The following AKAP8 variants were observed in gnomAD, a reference collection of about 807,000 sequenced individuals.
The protein encoded by AKAP8 is A-kinase anchoring protein 8.
AKAP8 carries 24 observed loss-of-function variants against 67.5 expected under a neutral mutation model. That is an observed-to-expected ratio of 0.36 (90% CI 0.26 to 0.50). The LOEUF is 0.50. Ranked by LOEUF, AKAP8 falls within the 20% of genes least tolerant of loss-of-function variation. The pLI, the probability that AKAP8 is intolerant of heterozygous loss-of-function variation, is 0.97. For missense variants in AKAP8, 971 were observed against 955.9 expected (o/e 1.02, Z -0.21); for synonymous variants, 400 against 371.1 (o/e 1.08, Z -0.90).
chr19:15,361,560 G>T, intron 11 of AKAP8, 169 bp downstream of exon 11: 1 of 571,558 alleles, frequency 1.7e-6, no homozygotes, highest in East Asian at 3.2e-5. Flanking sequence ...CACCGTGTCA[G>T]ACAGGATGGC....
Position 15,355,332 on chromosome 19 carries a change from T to C in AKAP8, c.1662A>G (p.Glu554=), listed in dbSNP as rs1469641696. 3 of 1,613,754 alleles carry C rather than the reference T, an allele frequency of 1.9e-6. No homozygotes were observed. The highest frequency in any genetic ancestry group is 1.7e-6 in the Non-Finnish European group (2 of 1,180,000). ...CTCCTAAATTGTCATCTCCTTCCAT[T>C]TCTGGATCAACAGTTTCACTGGTGA... ...DPFTSETVDP[E]MEGDDNLGGE... The change falls in exon 14 of 14, where the codon GAA becomes GAG. Residue 554 remains glutamate (E), a synonymous_variant. Transcript: ENST00000269701.
At chr19:15,363,500 C>G (rs1187597189) in intron 9 of AKAP8, among the ~76,000 whole-genome samples, 17 of 142,468 alleles carry the variant, frequency 1.2e-4, no homozygotes, top group Non-Finnish European at 2.5e-4. Flanking sequence ...GTCAGCCCCC[C>G]GCCCGGCCAG....
At chr19:15,364,158 C>CTT (rs34132091) in intron 9 of AKAP8, among the ~76,000 whole-genome samples, 75 of 42,556 alleles carry the variant, frequency 1.8e-3, no homozygotes, top group African/African-American at 6.5e-3. Flanking sequence ...TTTTTCTTTC[C>CTT]TTTTTTTTTT....
At chr19:15,374,204 C>A in intron 3 of AKAP8, 139 bp from the exon 4 acceptor site, 1 of 1,057,010 alleles carries the variant, frequency 9.5e-7, no homozygotes, top group African/African-American at 1.6e-5. Context: ...TCACTTCACA[C>A]TGCACTGTGA....
chr19:15,363,226 TG>T (rs1252279191), intron 9 of AKAP8, among the ~76,000 whole-genome samples: 1 of 144,476 alleles, frequency 6.9e-6, no homozygotes, highest in East Asian at 2.1e-4. Flanking sequence ...GGGAGGGAGG[TG>T]GGGGGATCAG....
At position 15,372,866 on chromosome 19, in the gene AKAP8, C is replaced by G; in HGVS notation, c.846G>C (p.Met282Ile). The G allele has an allele frequency of 6.7e-7, 1 of 1,500,992 alleles. No homozygotes were observed. Among genetic ancestry groups the G allele is most frequent in the Non-Finnish European group, 8.9e-7 (1 of 1,125,674 alleles). The allele number at this position is 1,500,992 out of a possible 1,614,324, so 93.0% of individuals were successfully genotyped here. A position where few individuals can be genotyped will look rare whatever the true frequency, so the allele number is the denominator to read the frequency against. The part of the protein sequence containing the change: ...PYGCGRSQPR[M>I]RDRDRPKRRG... ...GAGGGCTTACCCGATCCCGATCCCG[C>G]ATCCGAGGCTGCGAGCGGCCACATC... Residue 282 changes from methionine to isoleucine, a missense_variant, in exon 5 of 14, where the codon ATG (methionine) becomes ATC (isoleucine). Met to Ile is a conservative substitution (Grantham distance 10). Coordinates refer to ENST00000269701, the MANE Select transcript of AKAP8 (RefSeq NM_005858.4).
In AKAP8 at chr19:15,353,866, T is replaced by C. The variant is rs1438440720; in HGVS notation, c.*1049A>G. The C allele has an allele frequency of 1.3e-5, 2 of 152,116 alleles. No individual in the cohort carries two copies. Among genetic ancestry groups the C allele is most frequent in the Non-Finnish European group, 2.9e-5 (2 of 68,038 alleles). The allele number at this position is 152,116 out of a possible 1,614,324, so 9.4% of individuals were successfully genotyped here. On this transcript the variant is annotated 3_prime_UTR_variant, in exon 14 of 14. Coordinates refer to ENST00000269701, the MANE Select transcript of AKAP8 (RefSeq NM_005858.4). ...CCTTGAACACATGCTAGCCTCCCTTTCTCAGATTTGGAAAGATCTAAAGTA... is the reference window on the plus strand; with the variant it reads ...CCTTGAACACATGCTAGCCTCCCTTCCTCAGATTTGGAAAGATCTAAAGTA...
rs955101627 is a variant in AKAP8 at position 15,353,678 on chromosome 19, A to G, written c.*1237T>C. Reference sequence around the variant, plus strand: ...CTGGTATACAGTAGAGGCTCGGCAAATATTCTACAGCCTCCTTTCTAATGA... The same window carrying G: ...CTGGTATACAGTAGAGGCTCGGCAAGTATTCTACAGCCTCCTTTCTAATGA... On this transcript the variant is annotated 3_prime_UTR_variant, in exon 14 of 14. Transcript: ENST00000269701. 1 of 152,082 alleles carries G rather than the reference A, an allele frequency of 6.6e-6. No homozygotes were observed. Among genetic ancestry groups the G allele is most frequent in the African/African-American group, 2.4e-5 (1 of 41,404 alleles). The allele number at this position is 152,082 out of a possible 1,614,324, so 9.4% of individuals were successfully genotyped here. A position where few individuals can be genotyped will look rare whatever the true frequency, so the allele number is the denominator to read the frequency against.
At chr19:15,364,237 C>G (rs1236695739) in intron 9 of AKAP8, among the ~76,000 whole-genome samples, 1 of 148,946 alleles carries the variant, frequency 6.7e-6, no homozygotes, top group Non-Finnish European at 1.5e-5. Context: ...TCTCAGCTAA[C>G]CGCAACCTCT....
rs546862566 is a variant in AKAP8, at chr19:15,360,657, C to T, written c.1527+191G>A. Among the ~76,000 whole-genome samples, 7 of 152,286 alleles carry T rather than the reference C, an allele frequency of 4.6e-5. No homozygotes were observed. In the East Asian group the frequency reaches 7.7e-4, roughly 17 times the overall value. On this transcript the variant is annotated intron_variant, in intron 12 of 13. Coordinates refer to ENST00000269701, the MANE Select transcript of AKAP8 (RefSeq NM_005858.4). The stretch of plus-strand genomic sequence containing the variant: ...GAGAATCTCAGCTACTGCATTTAAT[C>T]GAGTCTAAGCAACACATTTTCTCAC...
In AKAP8 at chr19:15,372,991, T is replaced by C; in HGVS notation, c.721A>G (p.Ser241Gly). The change falls in exon 5 of 14, where the codon AGC (serine) becomes GGC (glycine). Residue 241 changes from serine (S) to glycine (G), a missense_variant. Around this residue, in one of 3 missense-constraint regions of AKAP8, gnomAD observed 763 missense variants for 745.4 expected, o/e 1.02. Transcript: ENST00000269701. ...GAGAAGAGGGACGGAGGTGGCCGGC[T>C]GGGGGAGGGCCCTCCCAGGCCCCGT... The part of the protein sequence containing the change: ...GGRGLGGPSP[S>G]RPPPSLFSQS... The C allele has an allele frequency of 6.4e-7, 1 of 1,566,586 alleles. No homozygotes were observed. The highest frequency in any genetic ancestry group is 1.9e-5 in the Admixed American group (1 of 53,870).
At chr19:15,376,278 T>TTTGATTATGGGA (rs1967251416) in intron 2 of AKAP8, among the ~76,000 whole-genome samples, 1 of 152,078 alleles carries the variant, frequency 6.6e-6, no homozygotes, top group African/African-American at 2.4e-5. Context: ...ATCCCAGCAC[T>TTTGATTATGGGA]TTGATTATGG....
intron 13 of AKAP8, 105 bp from the exon 14 acceptor site, chr19:15,355,475 A>G: frequency 9.3e-7 from 1 of 1,076,022 alleles, no homozygotes; most frequent in Non-Finnish European, 1.3e-6. Flanking sequence ...CAAGGGAAAC[A>G]CTTCTGTAAA....
In AKAP8 at chr19:15,368,797, C is replaced by T. The variant is rs560914411; in HGVS notation, c.1073-475G>A. The T allele has an allele frequency of 2.1e-5, 21 of 985,358 alleles. No individual in the cohort carries two copies. In the East Asian group the frequency reaches 2.2e-3, roughly 101 times the overall value. The allele number at this position is 985,358 out of a possible 1,614,324, so 61.0% of individuals were successfully genotyped here. ...ACTGTGACGAGCGTCCTGGCGGCCC[C>T]GTCTGAACTAGGGCCTCAGCAGGTC... On this transcript the variant is annotated intron_variant, in intron 8 of 13. Transcript: ENST00000269701.
chr19:15,362,749 G>A (rs1467132725), intron 9 of AKAP8, among the ~76,000 whole-genome samples: 1 of 152,112 alleles, frequency 6.6e-6, no homozygotes, highest in Non-Finnish European at 1.5e-5. Context: ...CTCCCAAAGT[G>A]CCGAGATTGC....
rs1373184159 is a variant in AKAP8, at chr19:15,373,960, C to G, written c.197G>C (p.Gly66Ala). ...GGCAGGGGCCCCGGCCGCCAGGCCG[C>G]CATCATTGGCCTTGGCGGCCTCCCA... ...ASWEAAKAND[G>A]GLAAGAPAMH... Residue 66 changes from glycine (G) to alanine (A), a missense_variant, in exon 4 of 14, where the codon GGC (glycine) becomes GCC (alanine). Around this residue, in one of 3 missense-constraint regions of AKAP8, gnomAD observed 763 missense variants for 745.4 expected, o/e 1.02. Coordinates refer to ENST00000269701, the MANE Select transcript of AKAP8 (RefSeq NM_005858.4). The G allele has an allele frequency of 6.2e-7, 1 of 1,613,666 alleles. No individual in the cohort carries two copies. The highest frequency in any genetic ancestry group is 1.7e-5 in the Admixed American group (1 of 59,932).
At chr19:15,355,618 C>T (rs924672954) in intron 13 of AKAP8, among the ~76,000 whole-genome samples, 5 of 151,420 alleles carry the variant, frequency 3.3e-5, no homozygotes, top group African/African-American at 1.2e-4. Context: ...TGCAGTGGTG[C>T]GATCTCGGCT....
intron 8 of AKAP8, 38 bp from the exon 9 acceptor site, chr19:15,368,360 C>T (rs1489159207): frequency 1.2e-6 from 2 of 1,612,348 alleles, no homozygotes; most frequent in Admixed American, 1.7e-5. Context: ...CTCTGAGTGG[C>T]CTGCAAAGGA....
Position 15,355,279 on chromosome 19 carries a change from T to A in AKAP8, c.1715A>T (p.Glu572Val). Residue 572 changes from glutamate (E) to valine (V), a missense_variant, in exon 14 of 14, where the codon GAG becomes GTG. Around this residue, in one of 3 missense-constraint regions of AKAP8, gnomAD observed 204 missense variants for 193.0 expected, o/e 1.06. Transcript: ENST00000269701. ...GGEDKKETPE[E>V]VAADVLAEVI... ...CTCTGCTAAGACGTCCGCGGCCACCTCCTCAGGTGTCTCTTTCTTATCCTC... is the reference window on the plus strand; with the variant it reads ...CTCTGCTAAGACGTCCGCGGCCACCACCTCAGGTGTCTCTTTCTTATCCTC... 4 of 1,613,448 alleles carry A rather than the reference T, an allele frequency of 2.5e-6. No homozygotes were observed. Among genetic ancestry groups the A allele is most frequent in the Non-Finnish European group, 3.4e-6 (4 of 1,180,022 alleles).
Sources: allele counts gnomAD v4.1 joint callset (sites outside exome capture counted in the v4.1 genomes callset), GRCh38; gene constraint gnomAD v4.1.1; regional missense constraint gnomAD v4.1.1; transcripts MANE v1.5; gene names NCBI Gene and HGNC (gene_info 2026-07-23, HGNC 2026-07-21).